SPRR2G: variants seen among roughly 807,000 people sequenced by gnomAD.
The protein encoded by SPRR2G is small proline-rich protein 2G.
A neutral mutation model predicts 0.7 loss-of-function variants in SPRR2G; 1 was observed. The ratio of observed to expected loss-of-function variants is 1.49; its 90% CI spans 0.53 to 7.06. SPRR2G has a LOEUF of 7.06. Among genes scored for constraint, SPRR2G ranks in the 30% most tolerant of loss-of-function variants. The probability of loss-of-function intolerance (pLI) is 0.14; values close to 1 mark genes in which losing one functional copy is unlikely to be tolerated. For synonymous variants in SPRR2G, 38 were observed against 33.9 expected (o/e 1.12, Z -0.42); for missense variants, 96 against 88.5 (o/e 1.09, Z -0.34).
At chr1:153,192,334 G>A in the SPRR2G span, among the ~76,000 whole-genome samples, 1 of 152,118 alleles carries the variant, frequency 6.6e-6, no homozygotes, top group African/African-American at 2.4e-5. Flanking sequence ...AGTGATTATG[G>A]AAGTTTGAAT....
the SPRR2G span, among the ~76,000 whole-genome samples, chr1:153,162,031 G>T: frequency 0.031 from 4,689 of 152,124 alleles, 237 homozygotes; most frequent in African/African-American, 0.11. Context: ...TTAAGTTCAA[G>T]GGTACATGTG....
At chr1:153,185,782 T>C in the SPRR2G span, among the ~76,000 whole-genome samples, 66 of 152,228 alleles carry the variant, frequency 4.3e-4, no homozygotes, top group Non-Finnish European at 8.1e-4. Context: ...CTCTTGCTTC[T>C]CTAGTTCTTT....
the SPRR2G span, among the ~76,000 whole-genome samples, chr1:153,181,150 T>C: frequency 6.6e-6 from 1 of 152,230 alleles, no homozygotes; most frequent in Non-Finnish European, 1.5e-5. Flanking sequence ...TTGTCATTTT[T>C]CCACCTTATT....
chr1:153,166,406 G>T, the SPRR2G span, among the ~76,000 whole-genome samples: 1 of 152,166 alleles, frequency 6.6e-6, no homozygotes, highest in African/African-American at 2.4e-5. Flanking sequence ...AGGTTTTGTT[G>T]TTTGAGAAAG....
At chr1:153,198,299 G>A in the SPRR2G span, among the ~76,000 whole-genome samples, 1 of 152,210 alleles carries the variant, frequency 6.6e-6, no homozygotes, top group African/African-American at 2.4e-5. Context: ...GAGTTTTGTT[G>A]ACCCAACCAA....
chr1:153,170,253 TG>T, the SPRR2G span, among the ~76,000 whole-genome samples: 2 of 152,220 alleles, frequency 1.3e-5, no homozygotes, highest in African/African-American at 2.4e-5. Context: ...TAACCGAAGT[TG>T]TTAACTGGAT....
chr1:153,201,529 G>C, the SPRR2G span, among the ~76,000 whole-genome samples: 3 of 152,180 alleles, frequency 2.0e-5, no homozygotes, highest in Admixed American at 6.5e-5. Flanking sequence ...ATGGGGGTGA[G>C]AGCTGCTTCT....
the SPRR2G span, among the ~76,000 whole-genome samples, chr1:153,185,149 T>C: frequency 6.6e-6 from 1 of 152,190 alleles, no homozygotes; most frequent in East Asian, 1.9e-4. Context: ...TCATCAGGAA[T>C]ATTGGCCTGA....
chr1:153,159,816 C>G, the SPRR2G span, among the ~76,000 whole-genome samples: 1 of 152,110 alleles, frequency 6.6e-6, no homozygotes, highest in Non-Finnish European at 1.5e-5. Flanking sequence ...GCCATTAGAT[C>G]TCATAAGAAC....
the SPRR2G span, among the ~76,000 whole-genome samples, chr1:153,203,230 C>G: frequency 6.6e-6 from 1 of 152,036 alleles, no homozygotes; most frequent in African/African-American, 2.4e-5. Flanking sequence ...TTCACTGCAG[C>G]CTCATTTTAC....
chr1:153,187,771 G>A, the SPRR2G span, among the ~76,000 whole-genome samples: 20 of 152,086 alleles, frequency 1.3e-4, no homozygotes, highest in African/African-American at 4.8e-4. Flanking sequence ...TCATTTGGAG[G>A]AGAAGAGGCA....
At chr1:153,188,025 C>A in the SPRR2G span, among the ~76,000 whole-genome samples, 1 of 152,176 alleles carries the variant, frequency 6.6e-6, no homozygotes, top group Admixed American at 6.5e-5. Flanking sequence ...CTGGGTATTA[C>A]CAGTGGAAGC....
chr1:153,150,059 A>C lies in SPRR2G; in HGVS notation c.52T>G (p.Cys18Gly). 10 of 1,613,244 alleles carry C rather than the reference A, an allele frequency of 6.2e-6. No homozygotes were observed. The highest frequency in any genetic ancestry group is 7.6e-6 in the Non-Finnish European group (9 of 1,179,866). ...CKQPCQPPPV[C>G]PTPKCPEPCP... ...GGCTCTGGGCACTTTGGCGTGGGGC[A>C]CACAGGAGGTGGCTGGCAGGGCTGC... Residue 18 changes from cysteine (C) to glycine (G), a missense_variant, in exon 2 of 2, where the codon TGC becomes GGC. By Grantham distance (159) the Cys-to-Gly change is radical. Coordinates refer to ENST00000368748, the MANE Select transcript of SPRR2G (RefSeq NM_001014291.4).
At chr1:153,194,775 G>C in the SPRR2G span, among the ~76,000 whole-genome samples, 1 of 152,168 alleles carries the variant, frequency 6.6e-6, no homozygotes, top group Non-Finnish European at 1.5e-5. Context: ...AGTAGACATG[G>C]GCAGGCATCG....
the SPRR2G span, among the ~76,000 whole-genome samples, chr1:153,173,735 CAGAGGCTAG>C: frequency 6.6e-6 from 1 of 152,150 alleles, no homozygotes; most frequent in Non-Finnish European, 1.5e-5. Flanking sequence ...GGTGTCAGAG[CAGAGGCTAG>C]AAGTCCTGAG....
chr1:153,166,777 C>T, the SPRR2G span, among the ~76,000 whole-genome samples: 2 of 152,324 alleles, frequency 1.3e-5, no homozygotes, highest in East Asian at 3.9e-4. Flanking sequence ...AACAGTCCTA[C>T]TCAAAACTCT....
At chr1:153,190,427 T>C in the SPRR2G span, 6 of 152,310 alleles carry the variant, frequency 3.9e-5, no homozygotes, top group Non-Finnish European at 8.8e-5. Flanking sequence ...TGTCATAGTC[T>C]ACTGGGGTCT....
the SPRR2G span, among the ~76,000 whole-genome samples, chr1:153,171,659 G>A: frequency 6.6e-6 from 1 of 152,316 alleles, no homozygotes; most frequent in East Asian, 1.9e-4. Flanking sequence ...TGGAAACCCT[G>A]TGTATTCATC....
chr1:153,197,249 C>T, the SPRR2G span, among the ~76,000 whole-genome samples: 7 of 151,894 alleles, frequency 4.6e-5, no homozygotes, highest in South Asian at 2.1e-4. Context: ...GATGGACACT[C>T]GCTGAAGCTT....
Sources: gnomAD v4.1 joint callset for allele counts (sites outside exome capture counted in the v4.1 genomes callset) on GRCh38, gnomAD v4.1.1 for gene constraint, MANE v1.5 for transcripts, NCBI Gene and HGNC (gene_info 2026-07-23, HGNC 2026-07-21) for gene names.